JAKMIP3: variants seen among roughly 807,000 people sequenced by gnomAD.
The protein encoded by JAKMIP3 is Janus kinase and microtubule interacting protein 3, also known as janus kinase and microtubule-interacting protein 3.
In JAKMIP3, 58 loss-of-function variants were observed where a neutral mutation model predicts 118.5. The observed-to-expected ratio is 0.49, with a 90% CI of 0.40 to 0.61. The LOEUF (loss-of-function observed/expected upper bound fraction) is 0.61, where lower values mean the gene tolerates loss of function less well. JAKMIP3 is among the 20% of genes least tolerant of loss of function. The pLI, the probability that JAKMIP3 is intolerant of heterozygous loss-of-function variation, is 0.00. For missense variants in JAKMIP3, 950 were observed against 1,109.0 expected (o/e 0.86, Z 2.04); for synonymous variants, 486 against 451.2 (o/e 1.08, Z -0.98).
chr10:132,180,552 TGCATGC>T lies in JAKMIP3; in HGVS notation c.*1104-1803_*1104-1798del, dbSNP rs1277685864. ...GTGTGTGTGTGTGTGTGTGCGTGCG[TGCATGC>T]GTGTGTGTGCGTGTGTGTGTGCGTG... On this transcript the variant is annotated intron_variant, in intron 23 of 23. Coordinates refer to ENST00000684848, the MANE Select transcript of JAKMIP3 (RefSeq NM_001323087.2). Among the ~76,000 whole-genome samples, 62 of 7,560 alleles carry T rather than the reference TGCATGC, an allele frequency of 8.2e-3. 9 individuals are homozygous for T. Among genetic ancestry groups the T allele is most frequent in the South Asian group, 0.011 (3 of 268 alleles). 5.0% of individuals were successfully genotyped at this position (7,560 alleles called of 152,430 possible).
intron 10 of JAKMIP3, among the ~76,000 whole-genome samples, 165 bp downstream of exon 10, chr10:132,140,744 G>A (rs2053350549): frequency 6.6e-6 from 1 of 152,214 alleles, no homozygotes. Context: ...GCCCTCACTG[G>A]CACTGACCCG....
chr10:132,132,908 G>C (rs888936428), intron 3 of JAKMIP3, among the ~76,000 whole-genome samples: 2 of 152,258 alleles, frequency 1.3e-5, no homozygotes, highest in Non-Finnish European at 2.9e-5. Context: ...TATTGGCAGA[G>C]TGTGGGTAAC....
At chr10:132,108,887 A>ATATATAAATTATATACGCAAATGTT (rs1239010659) in intron 2 of JAKMIP3, among the ~76,000 whole-genome samples, 1 of 138,336 alleles carries the variant, frequency 7.2e-6, no homozygotes, top group South Asian at 2.3e-4. Flanking sequence ...ACACAAATGT[A>ATATATAAATTATATACGCAAATGTT]TATATAAATT....
At chr10:132,081,793 A>G (rs2041800196) in intron 1 of JAKMIP3, among the ~76,000 whole-genome samples, 1 of 151,510 alleles carries the variant, frequency 6.6e-6, no homozygotes, top group African/African-American at 2.4e-5. Flanking sequence ...TCCTTTCCTG[A>G]GGCACGGGAG....
intron 3 of JAKMIP3, among the ~76,000 whole-genome samples, chr10:132,133,075 C>T (rs560176566): frequency 6.6e-6 from 1 of 152,204 alleles, no homozygotes. Flanking sequence ...GCCCGGGGAC[C>T]GTCAGGAAGG....
chr10:132,148,582 G>A (rs758831349), intron 14 of JAKMIP3, among the ~76,000 whole-genome samples: 3 of 152,292 alleles, frequency 2.0e-5, no homozygotes, highest in East Asian at 1.9e-4. Context: ...CCAGGCCTCC[G>A]CCGTCGGCAG....
intron 1 of JAKMIP3, among the ~76,000 whole-genome samples, chr10:132,080,503 ATTTTTTTTTTTTTTTTT>A (rs201838731): frequency 0.22 from 13,543 of 61,692 alleles, 1,098 homozygotes; most frequent in East Asian, 0.39. Context: ...AAGTTATAGG[ATTTTTTTTTTTTTTTTT>A]TTTTTTTTTT....
chr10:132,151,041 A>G (rs1589960337), intron 16 of JAKMIP3, among the ~76,000 whole-genome samples: 1 of 150,634 alleles, frequency 6.6e-6, no homozygotes, highest in African/African-American at 2.4e-5. Flanking sequence ...TTCTCCATCT[A>G]CCATCCTCTA....
At chr10:132,148,534 GC>G (rs71487405) in intron 14 of JAKMIP3, among the ~76,000 whole-genome samples, 2 of 140,174 alleles carry the variant, frequency 1.4e-5, no homozygotes, top group Non-Finnish European at 3.2e-5. Flanking sequence ...TCCTCCATCC[GC>G]CCCCGTGGCC....
At chr10:132,164,627 A>C in intron 20 of JAKMIP3, 43 bp from the exon 21 acceptor site, 15 of 1,297,450 alleles carry the variant, frequency 1.2e-5, no homozygotes, top group Non-Finnish European at 1.7e-5. Context: ...GGGTTTCCCG[A>C]GTACTGTGAC....
chr10:132,118,845 C>T lies in JAKMIP3; in HGVS notation c.633+1271C>T, dbSNP rs972794486. 2.6e-5 allele frequency among the ~76,000 whole-genome samples: 4 copies of T among 152,220 alleles called. No homozygotes were observed. The highest frequency in any genetic ancestry group is 9.6e-5 in the African/African-American group (4 of 41,454). ...AGAACCGGGTGCTTTCTTCGCGTGA[C>T]ACGATGCTTGCTTTTCTGTGCGGGG... On this transcript the variant is annotated intron_variant, in intron 3 of 23. Coordinates refer to ENST00000684848, the MANE Select transcript of JAKMIP3 (RefSeq NM_001323087.2). This position sits in a 1 kb window ranked among gnomAD's most constrained non-coding sequence, Gnocchi z 4.8.
intron 3 of JAKMIP3, among the ~76,000 whole-genome samples, chr10:132,130,361 C>T (rs1306384165): frequency 3.3e-5 from 5 of 152,264 alleles, no homozygotes; most frequent in African/African-American, 1.2e-4. Flanking sequence ...GGACAAAGCA[C>T]ATCTCCTTAT....
intron 1 of JAKMIP3, among the ~76,000 whole-genome samples, chr10:132,092,061 G>A (rs1174568329): frequency 1.5e-5 from 2 of 131,046 alleles, no homozygotes; most frequent in Non-Finnish European, 3.2e-5. Flanking sequence ...GAAATTCTGG[G>A]TTGAAAATTA....
rs369954215 is a variant in JAKMIP3 at position 132,147,921 on chromosome 10, C to T, written c.1750-31C>T. On this transcript the variant is annotated intron_variant, in intron 13 of 23. Coordinates refer to ENST00000684848, the MANE Select transcript of JAKMIP3 (RefSeq NM_001323087.2). Reference sequence around the variant, plus strand: ...AGACCTCTGGTGAGAGAGAACCAGACCCCTCACCTCATGCATCTTTTATGT... The same window carrying T: ...AGACCTCTGGTGAGAGAGAACCAGATCCCTCACCTCATGCATCTTTTATGT... The T allele has an allele frequency of 4.0e-5, 59 of 1,470,132 alleles. No homozygotes were observed. In the African/African-American group the frequency reaches 5.8e-4, roughly 14 times the overall value. 91.1% of individuals were successfully genotyped at this position (1,470,132 alleles called of 1,614,324 possible). A position where few individuals can be genotyped will look rare whatever the true frequency, so the allele number is the denominator to read the frequency against.
chr10:132,056,164 C>T (rs538496303), intron 1 of JAKMIP3, among the ~76,000 whole-genome samples: 6 of 152,230 alleles, frequency 3.9e-5, no homozygotes, highest in Non-Finnish European at 8.8e-5. Flanking sequence ...TCCTGGTGAG[C>T]GGTGGGACCC....
upstream of JAKMIP3, among the ~76,000 whole-genome samples, chr10:132,062,402 CA>C (rs1326907113): frequency 6.6e-6 from 1 of 152,200 alleles, no homozygotes; most frequent in African/African-American, 2.4e-5. Flanking sequence ...GAGATGCAGA[CA>C]GGGGTGCTCG....
chr10:132,098,799 CTCAG>C (rs2134667208), intron 1 of JAKMIP3, among the ~76,000 whole-genome samples: 1 of 152,312 alleles, frequency 6.6e-6, no homozygotes, highest in East Asian at 1.9e-4. Flanking sequence ...GCGCTCCTCT[CTCAG>C]AGCTGGATTT....
At position 132,044,181 on chromosome 10, in the gene JAKMIP3, A is replaced by T. The variant is rs2037841571; in HGVS notation, c.-138+7443A>T. ...CTTCTCTGGGCCCTCAGCTGCCCTTAGGGCCGCCCTTCCAGGTGGCTCGCC... is the reference window on the plus strand; with the variant it reads ...CTTCTCTGGGCCCTCAGCTGCCCTTTGGGCCGCCCTTCCAGGTGGCTCGCC... On this transcript the variant is annotated intron_variant, in intron 1 of 23. Transcript: ENST00000657785. This position sits in a 1 kb window ranked among gnomAD's most constrained non-coding sequence, Gnocchi z 5.3. 6.6e-6 allele frequency among the ~76,000 whole-genome samples: 1 copy of T among 152,154 alleles called. No homozygotes were observed. Among genetic ancestry groups the T allele is most frequent in the African/African-American group, 2.4e-5 (1 of 41,440 alleles).
intron 1 of JAKMIP3, among the ~76,000 whole-genome samples, chr10:132,048,648 A>T (rs553159754): frequency 6.8e-6 from 1 of 146,220 alleles, no homozygotes; most frequent in Non-Finnish European, 1.5e-5. Context: ...CAGAAATTCC[A>T]GGCTTGACTG....
Sources: allele counts gnomAD v4.1 joint callset (sites outside exome capture counted in the v4.1 genomes callset), GRCh38; gene constraint gnomAD v4.1.1; non-coding constraint Gnocchi (gnomAD v3.1); transcripts MANE v1.5; gene names NCBI Gene and HGNC (gene_info 2026-07-23, HGNC 2026-07-21).